The following NFE2L1 variants were observed in gnomAD, a reference collection of about 807,000 sequenced individuals.
NFE2L1 encodes the protein NFE2 like bZIP transcription factor 1.
In NFE2L1, 18 loss-of-function variants were observed where a neutral mutation model predicts 61.6. The ratio of observed to expected loss-of-function variants is 0.29; its 90% CI spans 0.20 to 0.43. NFE2L1 has a LOEUF of 0.43. Ranked by LOEUF, NFE2L1 falls within the 20% of genes least tolerant of loss-of-function variation. The pLI is 1.00. For missense variants in NFE2L1, 827 were observed against 973.5 expected, an observed-to-expected ratio of 0.85 and a Z score of 2.00; for synonymous variants, 419 against 402.7, an observed-to-expected ratio of 1.04 and a Z score of -0.48.
At chr17:48,050,333 G>T (rs775367842) in intron 1 of NFE2L1, among the ~76,000 whole-genome samples, 1 of 152,154 alleles carries the variant, frequency 6.6e-6, no homozygotes, top group Non-Finnish European at 1.5e-5. Context: ...ACAAAAATTA[G>T]CAGGGCGTGG....
intron 5 of NFE2L1, 135 bp downstream of exon 5, chr17:48,057,637 GA>G: frequency 8.5e-7 from 1 of 1,175,040 alleles, no homozygotes; most frequent in African/African-American, 1.5e-5. Context: ...ACAATGAGAA[GA>G]AACCTGTCCA....
At chr17:48,058,101 G>C (rs2037447839) in intron 5 of NFE2L1, among the ~76,000 whole-genome samples, 194 bp from the exon 6 acceptor site, 1 of 152,202 alleles carries the variant, frequency 6.6e-6, no homozygotes, top group African/African-American at 2.4e-5. Context: ...TTAGGGTGGA[G>C]CCTACATGGA....
intron 2 of NFE2L1, chr17:48,054,923 C>T (rs1285055058): frequency 2.8e-6 from 4 of 1,409,004 alleles, no homozygotes; most frequent in South Asian, 3.0e-5. Context: ...AGGGGCCACC[C>T]TTCCAGCCTG....
In NFE2L1 at chr17:48,059,875, A is replaced by AC; in HGVS notation, c.*238dup. ...TTTAGACGGACAGGGTCCTCACCCTACCCCTTTCCTGTGAGGCAGGGGTGG... is the reference window on the plus strand; with the variant it reads ...TTTAGACGGACAGGGTCCTCACCCTACCCCCTTTCCTGTGAGGCAGGGGTGG... On this transcript the variant is annotated 3_prime_UTR_variant, in exon 6 of 6. Transcript: ENST00000362042. The surrounding 1 kb of genome is among the most constrained non-coding windows in gnomAD (Gnocchi z 6.1). 1.8e-6 allele frequency: 1 copy of AC among 540,826 alleles called. No homozygotes were observed. The highest frequency in any genetic ancestry group is 3.8e-5 in the South Asian group (1 of 26,508). The allele number at this position is 540,826 out of a possible 1,614,324, so 33.5% of individuals were successfully genotyped here. A position where few individuals can be genotyped will look rare whatever the true frequency, so the allele number is the denominator to read the frequency against.
rs1251109099 is a variant in NFE2L1, at chr17:48,054,622, T to C, written c.511-1764T>C. 1.7e-5 allele frequency: 15 copies of C among 886,780 alleles called. No individual in the cohort carries two copies. The Admixed American group carries it at 1.0e-3, about 61-fold the overall frequency. The allele number at this position is 886,780 out of a possible 1,614,324, so 54.9% of individuals were successfully genotyped here. On this transcript the variant is annotated intron_variant, in intron 2 of 5. Transcript: ENST00000362042. ...GGGGTGGGAGGGGGTGGGGATTGGCTCCCTGCTGCAGCCTAGGTAACAAGT... is the reference window on the plus strand; with the variant it reads ...GGGGTGGGAGGGGGTGGGGATTGGCCCCCTGCTGCAGCCTAGGTAACAAGT...
intron 2 of NFE2L1, among the ~76,000 whole-genome samples, chr17:48,055,388 T>C (rs868152741): frequency 2.9e-4 from 44 of 152,224 alleles, no homozygotes; most frequent in Middle Eastern, 3.4e-3. Flanking sequence ...GAAGCCCAAA[T>C]AGCTCTATTT....
Position 48,051,323 on chromosome 17 carries a change from C to A in NFE2L1, c.205C>A (p.Pro69Thr). ...RNTLDGYGIH[P>T]KSIDLDNYFT... ...TACCTTGGATGGCTATGGTATCCAC[C>A]CCAAGAGCATAGACCTGGACAATTA... Residue 69 changes from proline (P) to threonine (T), a missense_variant, in exon 2 of 6, where the codon CCC becomes ACC. Pro to Thr is a conservative substitution (Grantham distance 38, BLOSUM62 -1). This residue lies in a region of NFE2L1 where 667 missense variants were observed against 748.4 expected (regional missense o/e 0.89). Transcript: ENST00000362042. 1 of 1,614,064 alleles carries A rather than the reference C, an allele frequency of 6.2e-7. No homozygotes were observed. Among genetic ancestry groups the A allele is most frequent in the Non-Finnish European group, 8.5e-7 (1 of 1,180,012 alleles).
intron 2 of NFE2L1, chr17:48,055,085 TCTTTG>T: frequency 6.8e-7 from 1 of 1,472,074 alleles, no homozygotes; most frequent in Non-Finnish European, 9.0e-7. Context: ...GCCCCTTAAC[TCTTTG>T]CTGGCTGGTC....
rs372911662 is a variant in NFE2L1 at position 48,055,093 on chromosome 17, G to A, written c.511-1293G>A. ...GCAGCCGGCCCCTTAACTCTTTGCT[G>A]GCTGGTCACCGGGTGGCCCAGCCCG... On this transcript the variant is annotated intron_variant, in intron 2 of 5. Transcript: ENST00000362042. 276 of 1,459,218 alleles carry A rather than the reference G, an allele frequency of 1.9e-4. 1 individual carries two copies. In the East Asian group the frequency reaches 4.0e-3, roughly 21 times the overall value. The allele number at this position is 1,459,218 out of a possible 1,614,324, so 90.4% of individuals were successfully genotyped here. A position where few individuals can be genotyped will look rare whatever the true frequency, so the allele number is the denominator to read the frequency against.
intron 5 of NFE2L1, 133 bp from the exon 6 acceptor site, chr17:48,058,156 GCTGACA>G (rs2037449049): frequency 8.1e-7 from 1 of 1,238,224 alleles, no homozygotes; most frequent in African/African-American, 1.5e-5. Context: ...TGGGTCAGGA[GCTGACA>G]CTGTGGGCTT....
rs1405419151 is a variant in NFE2L1, at chr17:48,061,169, A to G, written c.*1528A>G. 1 of 152,348 alleles carries G rather than the reference A, an allele frequency of 6.6e-6. No homozygotes were observed. Among genetic ancestry groups the G allele is most frequent in the African/African-American group, 2.4e-5 (1 of 41,432 alleles). The allele number at this position is 152,348 out of a possible 1,614,324, so 9.4% of individuals were successfully genotyped here. ...CAGACATGGGAGTGCCAAGGTGGCC[A>G]GATGGTTCCAGGACTACAATGTCTT... On this transcript the variant is annotated 3_prime_UTR_variant, in exon 6 of 6. Coordinates refer to ENST00000362042, the MANE Select transcript of NFE2L1 (RefSeq NM_003204.3).
chr17:48,055,034 C>T, intron 2 of NFE2L1: 1 of 1,516,764 alleles, frequency 6.6e-7, no homozygotes, highest in South Asian at 1.2e-5. Context: ...CCGCCTGGAC[C>T]GCAGCTCTCA....
chr17:48,055,110 C>G (rs1033663565), intron 2 of NFE2L1: 2 of 1,435,666 alleles, frequency 1.4e-6, no homozygotes, highest in Non-Finnish European at 1.8e-6. Context: ...CACCGGGTGG[C>G]CCAGCCCGCC....
Position 48,056,451 on chromosome 17 carries a change from T to C in NFE2L1, c.576T>C (p.Phe192=). ...DIDLGAGREV[F]DYSHRQKEQD... ...ATCTGGGGGCTGGGCGTGAGGTTTT[T>C]GACTATAGTCACCGCCAGAAGGAGC... The change falls in exon 3 of 6, where the codon TTT becomes TTC. Residue 192 remains phenylalanine, a synonymous_variant. Transcript: ENST00000362042. The C allele has an allele frequency of 6.2e-7, 1 of 1,614,200 alleles. No homozygotes were observed. The highest frequency in any genetic ancestry group is 8.5e-7 in the Non-Finnish European group (1 of 1,180,024).
At chr17:48,056,753 T>G (rs2037411328) in intron 3 of NFE2L1, among the ~76,000 whole-genome samples, 155 bp downstream of exon 3, 1 of 152,162 alleles carries the variant, frequency 6.6e-6, no homozygotes, top group Admixed American at 6.5e-5. Context: ...TAAGTCACAG[T>G]GGCTGAGCCT....
At chr17:48,057,961 G>A (rs1260047941) in intron 5 of NFE2L1, among the ~76,000 whole-genome samples, 1 of 152,180 alleles carries the variant, frequency 6.6e-6, no homozygotes, top group Non-Finnish European at 1.5e-5. Context: ...GGTGCAGCTA[G>A]GTTTTCTGAC....
Position 48,059,824 on chromosome 17 carries a change from C to T in NFE2L1, c.*183C>T, listed in dbSNP as rs879861787. On this transcript the variant is annotated 3_prime_UTR_variant, in exon 6 of 6. Transcript: ENST00000362042. The surrounding 1 kb of genome is among the most constrained non-coding windows in gnomAD (Gnocchi z 6.1). ...AGGCACTGGCTGGCTCAGCTCCACTCGGGTGGAGTGGAAGTGGCCAGACCA... is the reference window on the plus strand; with the variant it reads ...AGGCACTGGCTGGCTCAGCTCCACTTGGGTGGAGTGGAAGTGGCCAGACCA... 378 of 875,178 alleles carry T rather than the reference C, an allele frequency of 4.3e-4. No homozygotes were observed. The highest frequency in any genetic ancestry group is 5.3e-4 in the Non-Finnish European group (320 of 600,434). 54.2% of individuals were successfully genotyped at this position (875,178 alleles called of 1,614,324 possible). A position where few individuals can be genotyped will look rare whatever the true frequency, so the allele number is the denominator to read the frequency against.
In NFE2L1 at chr17:48,060,482, C is replaced by T. The variant is rs2037527169; in HGVS notation, c.*841C>T. The T allele has an allele frequency of 6.5e-6, 1 of 153,164 alleles. No homozygotes were observed. The highest frequency in any genetic ancestry group is 2.4e-5 in the African/African-American group (1 of 41,600). The allele number at this position is 153,164 out of a possible 1,614,324, so 9.5% of individuals were successfully genotyped here. On this transcript the variant is annotated 3_prime_UTR_variant, in exon 6 of 6. Transcript: ENST00000362042. ...ACCCCTGAGCTGAGGCTCCCATTGT[C>T]TCCATCAGAGCCTGCATGTGTATGC...
chr17:48,053,339 G>A (rs2037304260), intron 2 of NFE2L1, among the ~76,000 whole-genome samples: 3 of 152,174 alleles, frequency 2.0e-5, no homozygotes, highest in East Asian at 3.8e-4. Flanking sequence ...TTTGGGAGGT[G>A]GGGTGGGTCA....
Sources: gnomAD v4.1 joint callset for allele counts (sites outside exome capture counted in the v4.1 genomes callset) on GRCh38, gnomAD v4.1.1 for gene constraint, gnomAD v4.1.1 regional missense constraint, Gnocchi (gnomAD v3.1) non-coding constraint, MANE v1.5 for transcripts, NCBI Gene and HGNC (gene_info 2026-07-23, HGNC 2026-07-21) for gene names.